Variants in GPC3 observed in about 807,000 individuals in gnomAD.
The protein encoded by GPC3 is glypican-3.
Under a neutral mutation model 34.4 loss-of-function variants are expected in GPC3, and 3 were observed. The observed-to-expected ratio is 0.09, with a 90% confidence interval of 0.04 to 0.23. The LOEUF (loss-of-function observed/expected upper bound fraction) is 0.23. GPC3 is among the 10% of genes least tolerant of loss of function. GPC3 has a pLI of 1.00. For synonymous variants in GPC3, 177 were observed against 174.0 expected (o/e 1.02, Z -0.13); for missense variants, 351 against 445.6 (o/e 0.79, Z 1.91).
At position 133,715,210 on chromosome X, in the gene GPC3, C is replaced by T. The variant is rs140720886; in HGVS notation, c.1033-15182G>A. On this transcript the variant is annotated intron_variant, in intron 3 of 7. Coordinates refer to ENST00000370818, the MANE Select transcript of GPC3 (RefSeq NM_004484.4). The stretch of plus-strand genomic sequence containing the variant: ...ATCTTTCTCCTGTGCTGGATGCTTC[C>T]TGCCCTTGAACATCAGACTCCAAGT... Among the ~76,000 whole-genome samples, 587 of 112,104 alleles carry T rather than the reference C, an allele frequency of 5.2e-3. 3 individuals are homozygous for T. The highest frequency in any genetic ancestry group is 0.018 in the African/African-American group (550 of 30,903).
At chrX:133,626,742 T>C (rs1255680844) in intron 6 of GPC3, among the ~76,000 whole-genome samples, 1 of 106,985 alleles carries the variant, frequency 9.3e-6, no homozygotes, top group Non-Finnish European at 1.9e-5. Flanking sequence ...TCAACCATTG[T>C]GGAAGACAGT....
intron 7 of GPC3, among the ~76,000 whole-genome samples, chrX:133,574,300 A>G (rs2124304648): frequency 9.0e-6 from 1 of 111,501 alleles, no homozygotes; most frequent in East Asian, 2.8e-4. Flanking sequence ...ACATTTAAAA[A>G]TGGTTGAATT....
chrX:133,728,118 A>G (rs770318918), intron 3 of GPC3, among the ~76,000 whole-genome samples: 26 of 111,588 alleles, frequency 2.3e-4, no homozygotes, highest in African/African-American at 8.5e-4. Context: ...CCTGCAACCT[A>G]TCTTAAAGGC....
intron 2 of GPC3, among the ~76,000 whole-genome samples, chrX:133,882,977 C>T (rs750357545): frequency 1.4e-4 from 16 of 110,740 alleles, no homozygotes; most frequent in African/African-American, 4.9e-4. Context: ...CCTGCAGCCC[C>T]GGCAAAATAC....
chrX:133,888,711 T>C (rs777846260), intron 2 of GPC3, among the ~76,000 whole-genome samples: 1 of 112,479 alleles, frequency 8.9e-6, no homozygotes, highest in Non-Finnish European at 1.9e-5. Flanking sequence ...GTTGGCTGCA[T>C]AAATGTCTCC....
chrX:133,726,278 T>C (rs1166566330), intron 3 of GPC3, among the ~76,000 whole-genome samples: 2 of 111,500 alleles, frequency 1.8e-5, no homozygotes, highest in Non-Finnish European at 3.8e-5. Context: ...AGGTTACAAC[T>C]CCTCTGCAAA....
chrX:133,665,268 T>C (rs1483482255), intron 5 of GPC3, among the ~76,000 whole-genome samples: 1 of 112,195 alleles, frequency 8.9e-6, no homozygotes. Context: ...CAGTTTCATA[T>C]CACTCAGCTC....
chrX:133,536,105 T>C lies in GPC3; in HGVS notation c.*19A>G. The C allele has an allele frequency of 8.5e-7, 1 of 1,174,368 alleles. No individual in the cohort carries two copies. Among genetic ancestry groups the C allele is most frequent in the African/African-American group, 1.8e-5 (1 of 56,547 alleles). ...CCACAGGGTGCTGTAGGGCAGCACA[T>C]GTGCTGGGCACCAGGCAGTCAGTGC... is the stretch of plus-strand genomic sequence containing the variant. On this transcript the variant is annotated 3_prime_UTR_variant, in exon 8 of 8. Transcript: ENST00000370818.
intron 1 of GPC3, among the ~76,000 whole-genome samples, chrX:133,970,676 T>C (rs751718985): frequency 2.2e-3 from 222 of 99,364 alleles, no homozygotes; most frequent in African/African-American, 8.0e-3. Flanking sequence ...TCTAAACATC[T>C]GAGATAAAGC....
chrX:133,714,107 A>G (rs1483316810), intron 3 of GPC3, among the ~76,000 whole-genome samples: 1 of 111,877 alleles, frequency 8.9e-6, no homozygotes, highest in Non-Finnish European at 1.9e-5. Flanking sequence ...TCACTTGCCA[A>G]CTTCTTGTAC....
chrX:133,593,353 G>GTAAAAAAAAAAAAAAAAAAAAAAAAAAAA (rs1569391713), intron 7 of GPC3, among the ~76,000 whole-genome samples: 1 of 58,154 alleles, frequency 1.7e-5, no homozygotes, highest in Non-Finnish European at 3.3e-5. Context: ...AAAAAAAAAA[G>GTAAAAAAAAAAAAAAAAAAAAAAAAAAAA]TAAAAAAAAA....
intron 3 of GPC3, among the ~76,000 whole-genome samples, chrX:133,715,733 T>A (rs1288116946): frequency 9.0e-6 from 1 of 110,668 alleles, no homozygotes; most frequent in Non-Finnish European, 1.9e-5. Flanking sequence ...AACCAAAAAA[T>A]TTTCAGGAAA....
intron 3 of GPC3, among the ~76,000 whole-genome samples, chrX:133,740,008 C>G (rs2124470006): frequency 8.9e-6 from 1 of 112,312 alleles, no homozygotes; most frequent in South Asian, 3.8e-4. Flanking sequence ...CATTCCTGTG[C>G]AGGGTATTGA....
At chrX:133,675,587 C>T (rs2124414875) in intron 5 of GPC3, among the ~76,000 whole-genome samples, 1 of 111,521 alleles carries the variant, frequency 9.0e-6, no homozygotes, top group East Asian at 2.8e-4. Flanking sequence ...GATAAAAGGC[C>T]CCATCCAATG....
At chrX:133,745,555 C>T (rs1437876973) in intron 3 of GPC3, among the ~76,000 whole-genome samples, 1 of 112,411 alleles carries the variant, frequency 8.9e-6, no homozygotes, top group Non-Finnish European at 1.9e-5. Context: ...CAAACAGGTG[C>T]CTCTTTGATA....
At chrX:133,654,676 C>A (rs1603212027) in intron 6 of GPC3, among the ~76,000 whole-genome samples, 1 of 109,121 alleles carries the variant, frequency 9.2e-6, no homozygotes, top group Admixed American at 9.6e-5. Flanking sequence ...CACGCCACTG[C>A]ACTCCAGCCT....
At chrX:133,891,777 C>T (rs1351209323) in intron 2 of GPC3, among the ~76,000 whole-genome samples, 7 of 92,729 alleles carry the variant, frequency 7.5e-5, no homozygotes, top group African/African-American at 2.9e-4. Flanking sequence ...CCAGCCTGGG[C>T]GACAGAGCTA....
intron 2 of GPC3, among the ~76,000 whole-genome samples, chrX:133,907,566 A>G (rs1174694009): frequency 2.7e-5 from 3 of 112,184 alleles, no homozygotes; most frequent in Non-Finnish European, 5.6e-5. Context: ...TTGTTTTCAC[A>G]CAGTTATATC....
chrX:133,549,706 CT>C (rs1298583209), intron 7 of GPC3, among the ~76,000 whole-genome samples: 4 of 93,028 alleles, frequency 4.3e-5, no homozygotes, highest in African/African-American at 8.1e-5. Context: ...TCCTTCCCCC[CT>C]CTCCTGTCTC....
Sources: allele counts gnomAD v4.1 joint callset (sites outside exome capture counted in the v4.1 genomes callset), GRCh38; gene constraint gnomAD v4.1.1; transcripts MANE v1.5; gene names NCBI Gene and HGNC (gene_info 2026-07-23, HGNC 2026-07-21).